Variants in FAM135B observed in about 807,000 individuals in gnomAD.
FAM135B encodes the protein family with sequence similarity 135 member B.
In FAM135B, 43 loss-of-function variants were observed where a neutral mutation model predicts 127.7. That is an observed-to-expected ratio of 0.34 (90% CI 0.26 to 0.43). The LOEUF is 0.43. FAM135B is among the 20% of genes least tolerant of loss of function. The probability of loss-of-function intolerance (pLI) is 1.00; values close to 1 mark genes in which losing one functional copy is unlikely to be tolerated. For synonymous variants in FAM135B, 670 were observed against 665.1 expected, an observed-to-expected ratio of 1.01 and a Z score of -0.11; for missense variants, 1,558 against 1,725.6, an observed-to-expected ratio of 0.90 and a Z score of 1.72.
intron 1 of FAM135B, among the ~76,000 whole-genome samples, chr8:138,473,778 T>A (rs1195710348): frequency 6.6e-6 from 1 of 152,160 alleles, no homozygotes; most frequent in Non-Finnish European, 1.5e-5. Flanking sequence ...AACAGAATTG[T>A]TCGTGACTTA....
chr8:138,227,684 T>C (rs893186597), intron 7 of FAM135B, among the ~76,000 whole-genome samples: 10 of 151,616 alleles, frequency 6.6e-5, no homozygotes, highest in African/African-American at 2.2e-4. Flanking sequence ...AGTTTCCTTG[T>C]GCTTTCTGGT....
At chr8:138,167,500 G>T (rs1216337081) in intron 12 of FAM135B, among the ~76,000 whole-genome samples, 1 of 152,130 alleles carries the variant, frequency 6.6e-6, no homozygotes, top group African/African-American at 2.4e-5. Flanking sequence ...CCAGCCTTTG[G>T]CCCAATGCCT....
chr8:138,178,970 T>A (rs1814745631), intron 9 of FAM135B, among the ~76,000 whole-genome samples: 1 of 152,202 alleles, frequency 6.6e-6, no homozygotes, highest in African/African-American at 2.4e-5. Context: ...GATTGCCCAC[T>A]ACCTAGTCCC....
chr8:138,228,647 T>C (rs1340786767), intron 7 of FAM135B, among the ~76,000 whole-genome samples: 1 of 152,116 alleles, frequency 6.6e-6, no homozygotes, highest in East Asian at 1.9e-4. Context: ...ACTGGGAGTG[T>C]ATGTCATATA....
chr8:138,328,266 T>C (rs1827943161), intron 2 of FAM135B, among the ~76,000 whole-genome samples: 1 of 152,188 alleles, frequency 6.6e-6, no homozygotes, highest in African/African-American at 2.4e-5. Context: ...AAATGAATGC[T>C]GATGAAGCTT....
At chr8:138,410,600 G>T (rs1023872988) in intron 1 of FAM135B, among the ~76,000 whole-genome samples, 1 of 152,118 alleles carries the variant, frequency 6.6e-6, no homozygotes, top group Admixed American at 6.6e-5. Context: ...TCTTACACCA[G>T]TCAGAATGGC....
intron 1 of FAM135B, among the ~76,000 whole-genome samples, chr8:138,487,285 A>T (rs1158539225): frequency 6.6e-6 from 1 of 152,112 alleles, no homozygotes; most frequent in Non-Finnish European, 1.5e-5. Flanking sequence ...CTTGCAGAAA[A>T]GGCATTCTTA....
chr8:138,167,567 A>ACTT (rs1820049294), intron 12 of FAM135B, among the ~76,000 whole-genome samples: 1 of 152,152 alleles, frequency 6.6e-6, no homozygotes, highest in Non-Finnish European at 1.5e-5. Context: ...ATAAGAAAGA[A>ACTT]TCTTCATCTG....
At chr8:138,469,070 G>A (rs956229563) in intron 1 of FAM135B, among the ~76,000 whole-genome samples, 1 of 129,994 alleles carries the variant, frequency 7.7e-6, no homozygotes, top group African/African-American at 2.6e-5. Context: ...CAGAAAGAGA[G>A]AGAAAAAGAA....
intron 9 of FAM135B, among the ~76,000 whole-genome samples, chr8:138,184,753 C>A (rs1208060499): frequency 6.6e-6 from 1 of 152,100 alleles, no homozygotes; most frequent in Non-Finnish European, 1.5e-5. Context: ...TAAAGGGCGA[C>A]CCCCAGTGAA....
At chr8:138,449,357 G>T (rs1012280893) in intron 1 of FAM135B, among the ~76,000 whole-genome samples, 1 of 152,146 alleles carries the variant, frequency 6.6e-6, no homozygotes, top group Non-Finnish European at 1.5e-5. Context: ...GAGCAAGAAG[G>T]GAGGGAAAGG....
At chr8:138,135,811 A>G (rs1021215435) in intron 19 of FAM135B, among the ~76,000 whole-genome samples, 4 of 152,162 alleles carry the variant, frequency 2.6e-5, no homozygotes, top group Admixed American at 1.3e-4. Context: ...AAATTATGGT[A>G]TATGCATATA....
intron 1 of FAM135B, among the ~76,000 whole-genome samples, chr8:138,469,940 C>T (rs1406552389): frequency 6.6e-6 from 1 of 152,174 alleles, no homozygotes; most frequent in Non-Finnish European, 1.5e-5. Context: ...TTCATTCATT[C>T]GTTATTAACT....
chr8:138,442,840 T>C (rs1312694729), intron 1 of FAM135B, among the ~76,000 whole-genome samples: 1 of 152,126 alleles, frequency 6.6e-6, no homozygotes, highest in Non-Finnish European at 1.5e-5. Context: ...TATAATTTGA[T>C]AAGACAAGGA....
chr8:138,192,267 T>G (rs1461304760), intron 9 of FAM135B, among the ~76,000 whole-genome samples: 1 of 152,214 alleles, frequency 6.6e-6, no homozygotes, highest in Non-Finnish European at 1.5e-5. Flanking sequence ...GATTCTAACC[T>G]CCAAGCTGTC....
At chr8:138,158,320 A>C (rs1447458275) in intron 12 of FAM135B, among the ~76,000 whole-genome samples, 1 of 152,242 alleles carries the variant, frequency 6.6e-6, no homozygotes, top group Non-Finnish European at 1.5e-5. Context: ...TTAAAGACTT[A>C]AATGTTAGAC....
At chr8:138,356,265 A>G (rs1253240613) in intron 2 of FAM135B, among the ~76,000 whole-genome samples, 3 of 4,964 alleles carry the variant, frequency 6.0e-4, no homozygotes, top group African/African-American at 7.2e-4. Context: ...AGAAAGGGAA[A>G]GAGAGAGAGA....
intron 2 of FAM135B, among the ~76,000 whole-genome samples, chr8:138,362,237 C>T (rs546710636): frequency 6.6e-6 from 1 of 150,762 alleles, no homozygotes; most frequent in African/African-American, 2.4e-5. Flanking sequence ...TCTTTTATAC[C>T]CATTAACCAG....
chr8:138,484,310 A>G (rs1328895434), intron 1 of FAM135B, among the ~76,000 whole-genome samples: 5 of 152,120 alleles, frequency 3.3e-5, no homozygotes, highest in Non-Finnish European at 7.4e-5. Context: ...TAAATAGGGT[A>G]TTTTGAGGTT....
Sources: gnomAD v4.1 joint callset for allele counts (sites outside exome capture counted in the v4.1 genomes callset) on GRCh38, gnomAD v4.1.1 for gene constraint, MANE v1.5 for transcripts, NCBI Gene and HGNC (gene_info 2026-07-23, HGNC 2026-07-21) for gene names.